Variants in LRRC69 observed in about 807,000 individuals in gnomAD.
LRRC69 encodes the protein leucine-rich repeat-containing protein 69.
In LRRC69, 42 loss-of-function variants were observed where a neutral mutation model predicts 37.8. The observed-to-expected ratio is 1.11, with a 90% CI of 0.87 to 1.44. The LOEUF (loss-of-function observed/expected upper bound fraction) is 1.44. LRRC69 is among the 40% of genes most tolerant of loss of function. LRRC69 has a pLI of 0.00. For synonymous variants in LRRC69, 141 were observed against 143.1 expected, an observed-to-expected ratio of 0.99 and a Z score of 0.11; for missense variants, 357 against 401.9, an observed-to-expected ratio of 0.89 and a Z score of 0.96.
intron 1 of LRRC69, among the ~76,000 whole-genome samples, chr8:91,112,121 A>G (rs1401218020): frequency 4.6e-5 from 7 of 152,008 alleles, no homozygotes; most frequent in Admixed American, 2.0e-4. Flanking sequence ...TGCAGAAACA[A>G]TAAAGAATTT....
chr8:91,151,112 T>G (rs1226994722), intron 5 of LRRC69, among the ~76,000 whole-genome samples: 3 of 152,006 alleles, frequency 2.0e-5, no homozygotes, highest in Admixed American at 2.0e-4. Flanking sequence ...CTTAGTTATT[T>G]CTTGCCTTCT....
intron 7 of LRRC69, among the ~76,000 whole-genome samples, chr8:91,204,958 C>A (rs1809775220): frequency 6.6e-6 from 1 of 151,940 alleles, no homozygotes. Flanking sequence ...ATTTGTATAC[C>A]CTTTACCTAG....
chr8:91,176,134 A>ATATATATATATATTTTTTTTTTTTTTTTT, intron 5 of LRRC69, among the ~76,000 whole-genome samples: 1 of 75,698 alleles, frequency 1.3e-5, no homozygotes, highest in African/African-American at 6.1e-5. Context: ...ATATATATAT[A>ATATATATATATATTTTTTTTTTTTTTTTT]TTTTTTTTTT....
chr8:91,108,774 G>A (rs901270026), intron 1 of LRRC69, among the ~76,000 whole-genome samples: 2 of 151,936 alleles, frequency 1.3e-5, no homozygotes, highest in African/African-American at 4.8e-5. Context: ...ATTAGTATTA[G>A]TGTATTTCAT....
chr8:91,175,349 GCTT>G (rs1809205342), intron 5 of LRRC69, among the ~76,000 whole-genome samples: 1 of 152,090 alleles, frequency 6.6e-6, no homozygotes. Flanking sequence ...TGTTCCAAAT[GCTT>G]CTTCTGCTTA....
At position 91,129,306 on chromosome 8, in the gene LRRC69, G is replaced by C. The variant is rs558211644; in HGVS notation, c.383+2146G>C. Reference sequence around the variant, plus strand: ...CAGTGAAGTTGTTCTTCAATCTCCTGGGGAAGACAGATGTCAGGGAGAATC... The same window carrying C: ...CAGTGAAGTTGTTCTTCAATCTCCTCGGGAAGACAGATGTCAGGGAGAATC... On this transcript the variant is annotated intron_variant, in intron 3 of 7. Transcript: ENST00000448384. Among the ~76,000 whole-genome samples the C allele has an allele frequency of 8.5e-5, 13 of 152,052 alleles. No individual in the cohort carries two copies. The South Asian group carries it at 2.7e-3, about 32-fold the overall frequency.
chr8:91,209,509 C>T (rs1563627076), intron 7 of LRRC69: 1 of 152,098 alleles, frequency 6.6e-6, no homozygotes, highest in Non-Finnish European at 1.5e-5. Context: ...GCCAGCAAGT[C>T]TTGACTAATC....
chr8:91,188,120 T>C (rs551070853), intron 5 of LRRC69, among the ~76,000 whole-genome samples: 2 of 152,262 alleles, frequency 1.3e-5, no homozygotes, highest in Admixed American at 6.5e-5. Context: ...ATTGTTAACA[T>C]AGGAACTGAA....
intron 5 of LRRC69, chr8:91,158,073 T>C: frequency 7.0e-7 from 1 of 1,423,952 alleles, no homozygotes; most frequent in South Asian, 1.1e-5. Flanking sequence ...CCCTACTCAA[T>C]ACATGCCCAT....
chr8:91,166,421 G>A (rs1809027789), intron 5 of LRRC69, among the ~76,000 whole-genome samples: 1 of 148,292 alleles, frequency 6.7e-6, no homozygotes, highest in Non-Finnish European at 1.5e-5. Flanking sequence ...CTACATATAT[G>A]GGAGTCCTCT....
chr8:91,191,410 T>G lies in LRRC69; in HGVS notation c.753+1787T>G, dbSNP rs1027240051. Among the ~76,000 whole-genome samples the G allele has an allele frequency of 2.6e-5, 4 of 152,308 alleles. No individual in the cohort carries two copies. The East Asian group carries it at 7.7e-4, about 29-fold the overall frequency. ...TATTTTATGCCTATTATGGACAAGG[T>G]ACTGTTCTAAGCACTTAACAGGAAT... On this transcript the variant is annotated intron_variant, in intron 6 of 7. Transcript: ENST00000448384.
intron 1 of LRRC69, among the ~76,000 whole-genome samples, chr8:91,117,257 C>A (rs1415371336): frequency 6.6e-6 from 1 of 151,972 alleles, no homozygotes; most frequent in Non-Finnish European, 1.5e-5. Context: ...TACATCCATT[C>A]TTTACATCTT....
chr8:91,206,555 A>G (rs1809808816), intron 7 of LRRC69: 1 of 576,324 alleles, frequency 1.7e-6, no homozygotes, highest in Admixed American at 3.6e-5. Flanking sequence ...ACTCGGAAAC[A>G]GTTTTCAAAA....
chr8:91,200,772 C>G, exon 7 of LRRC69: 1 of 1,528,520 alleles, frequency 6.5e-7, no homozygotes, highest in Non-Finnish European at 8.8e-7. Context: ...GGAATGTGTT[C>G]GATTTGTTCC....
At chr8:91,187,994 A>G (rs1563618219) in intron 5 of LRRC69, among the ~76,000 whole-genome samples, 1 of 151,778 alleles carries the variant, frequency 6.6e-6, no homozygotes, top group Non-Finnish European at 1.5e-5. Context: ...TAGGACAAAA[A>G]AGGAAAGAAT....
chr8:91,215,054 C>T (rs1299964214), intron 7 of LRRC69, among the ~76,000 whole-genome samples: 2 of 152,024 alleles, frequency 1.3e-5, no homozygotes, highest in African/African-American at 4.8e-5. Context: ...CTTTTATCTC[C>T]TTCTTCCACT....
Position 91,171,949 on chromosome 8 carries a change from G to GT in LRRC69, c.652-17563dup, listed in dbSNP as rs1475661294. Among the ~76,000 whole-genome samples the GT allele has an allele frequency of 6.4e-3, 783 of 122,384 alleles. 5 individuals carry two copies. The highest frequency in any genetic ancestry group is 0.024 in the African/African-American group (713 of 29,776). 80.3% of individuals were successfully genotyped at this position (122,384 alleles called of 152,430 possible). Reference sequence around the variant, plus strand: ...GGCATGTATCCACATGCACATGGAGGTTTTTTTTTTAAAAAATGGAATATT... The same window carrying GT: ...GGCATGTATCCACATGCACATGGAGGTTTTTTTTTTTAAAAAATGGAATATT... On this transcript the variant is annotated intron_variant, in intron 5 of 7. Transcript: ENST00000448384.
At chr8:91,159,971 A>AAACAAC (rs368603345) in intron 5 of LRRC69, among the ~76,000 whole-genome samples, 5 of 151,066 alleles carry the variant, frequency 3.3e-5, no homozygotes, top group African/African-American at 1.2e-4. Flanking sequence ...AAAAAAAACA[A>AAACAAC]AACAACAACA....
rs560072422 is a variant in LRRC69, at chr8:91,148,080, G to A, written c.651+12341G>A. Among the ~76,000 whole-genome samples, 99 of 151,164 alleles carry A rather than the reference G, an allele frequency of 6.5e-4. 1 individual carries two copies. The highest frequency in any genetic ancestry group is 2.3e-3 in the African/African-American group (97 of 41,346). The stretch of plus-strand genomic sequence containing the variant: ...CTGCATACTATTCCATGGTGTATGT[G>A]TACCAATTTTTTTTATTATACTTTA... On this transcript the variant is annotated intron_variant, in intron 5 of 7. Transcript: ENST00000448384.
Sources: gnomAD v4.1 joint callset for allele counts (sites outside exome capture counted in the v4.1 genomes callset) on GRCh38, gnomAD v4.1.1 for gene constraint, MANE v1.5 for transcripts, NCBI Gene and HGNC (gene_info 2026-07-23, HGNC 2026-07-21) for gene names.